Variants in UBN2 observed in about 807,000 individuals in gnomAD.
The protein encoded by UBN2 is ubinuclein 2, also known as ubinuclein-2.
Under a neutral mutation model 120.2 loss-of-function variants are expected in UBN2, and 35 were observed. The ratio of observed to expected loss-of-function variants is 0.29; its 90% CI spans 0.22 to 0.39. The LOEUF is 0.39. Among genes scored for constraint, UBN2 ranks in the 10% least tolerant of loss-of-function variants. The pLI is 1.00. For synonymous variants in UBN2, 661 were observed against 648.7 expected (o/e 1.02, Z -0.29); for missense variants, 1,693 against 1,663.2 (o/e 1.02, Z -0.31).
At chr7:139,274,528 C>CA (rs1797383051) in intron 11 of UBN2, among the ~76,000 whole-genome samples, 1 of 151,972 alleles carries the variant, frequency 6.6e-6, no homozygotes, top group Admixed American at 6.6e-5. Context: ...TTTGGGAGGC[C>CA]AAGGCAGGTG....
chr7:139,267,666 G>A (rs1171266668), intron 7 of UBN2, among the ~76,000 whole-genome samples: 1 of 152,130 alleles, frequency 6.6e-6, no homozygotes, highest in Non-Finnish European at 1.5e-5. Flanking sequence ...ATGTGAAGAA[G>A]GGCTGATTGA....
intron 9 of UBN2, 63 bp from the exon 10 acceptor site, chr7:139,273,234 G>T: frequency 9.6e-7 from 1 of 1,046,260 alleles, no homozygotes; most frequent in Non-Finnish European, 1.4e-6. Flanking sequence ...AGTATTTATG[G>T]AGCATATTAT....
chr7:139,264,568 C>T (rs1797035497), intron 6 of UBN2, among the ~76,000 whole-genome samples: 2 of 152,000 alleles, frequency 1.3e-5, no homozygotes, highest in African/African-American at 4.8e-5. Context: ...TTTTGACCTA[C>T]ACTATTTTTG....
intron 10 of UBN2, 22 bp downstream of exon 10, chr7:139,273,432 C>T (rs768862399): frequency 6.8e-7 from 1 of 1,463,908 alleles, no homozygotes; most frequent in Non-Finnish European, 9.3e-7. Flanking sequence ...TTAGTTTTCA[C>T]TTTTAATATA....
chr7:139,261,506 C>G lies in UBN2; in HGVS notation c.1160C>G (p.Thr387Arg). Residue 387 changes from threonine (T) to arginine (R), a missense_variant, in exon 6 of 18, where the codon ACA becomes AGA. By Grantham distance (71) the Thr-to-Arg change is moderately conservative (BLOSUM62 -1). This residue lies in a region of UBN2 where 663 missense variants were observed against 591.2 expected (regional missense o/e 1.12). Transcript: ENST00000473989. The part of the protein sequence containing the change: ...GDPDLPIFVS[T>R]NEHELFQEAE... ...CCAGACCTTCCCATTTTTGTTAGCA[C>G]AAATGAACATGAGCTGTTTCAGGAA... 1 of 1,614,172 alleles carries G rather than the reference C, an allele frequency of 6.2e-7. No homozygotes were observed. Among genetic ancestry groups the G allele is most frequent in the Non-Finnish European group, 8.5e-7 (1 of 1,180,024 alleles).
intron 15 of UBN2, among the ~76,000 whole-genome samples, chr7:139,290,968 CTTAA>C (rs147879163): frequency 6.6e-6 from 1 of 152,226 alleles, no homozygotes; most frequent in African/African-American, 2.4e-5. Context: ...ATAATCAGTC[CTTAA>C]TTAATAATGC....
rs1798254363 is a variant in UBN2 at position 139,301,421 on chromosome 7, TC to T, written c.*3586del. On this transcript the variant is annotated 3_prime_UTR_variant, in exon 18 of 18. Coordinates refer to ENST00000473989, the MANE Select transcript of UBN2 (RefSeq NM_173569.4). ...TCTGAAACGAAAATTCTGCTGTTGT[TC>T]AAACTGCCATTGGTTATGAGAACTC... 6.6e-6 allele frequency: 1 copy of T among 152,194 alleles called. No individual in the cohort carries two copies. Among genetic ancestry groups the T allele is most frequent in the East Asian group, 1.9e-4 (1 of 5,196 alleles). 9.4% of individuals were successfully genotyped at this position (152,194 alleles called of 1,614,324 possible).
At chr7:139,325,146 A>G in the UBN2 span, among the ~76,000 whole-genome samples, 1 of 152,060 alleles carries the variant, frequency 6.6e-6, no homozygotes, top group South Asian at 2.1e-4. Context: ...TTCATGTTTT[A>G]TAATGCTTCC....
intron 15 of UBN2, among the ~76,000 whole-genome samples, chr7:139,292,618 A>G (rs1172734525): frequency 6.6e-6 from 1 of 152,210 alleles, no homozygotes; most frequent in Non-Finnish European, 1.5e-5. Flanking sequence ...GAAGAGCTAG[A>G]ATAACAGTGT....
chr7:139,231,867 G>C lies in UBN2; in HGVS notation c.383G>C (p.Arg128Pro). 6.4e-7 allele frequency: 1 copy of C among 1,568,404 alleles called. No homozygotes were observed. The highest frequency in any genetic ancestry group is 8.6e-7 in the Non-Finnish European group (1 of 1,163,968). Residue 128 changes from arginine (R) to proline (P), a missense_variant, in exon 1 of 18, where the codon CGC (arginine) becomes CCC (proline). Arg to Pro is a moderately radical substitution (Grantham distance 103). Coordinates refer to ENST00000473989, the MANE Select transcript of UBN2 (RefSeq NM_173569.4). ...CCGCGGCCGCCGAGGGAGACGGTGCGCCTGGAGCTGGTGCTTAAGGACCCC... is the reference window on the plus strand; with the variant it reads ...CCGCGGCCGCCGAGGGAGACGGTGCCCCTGGAGCTGGTGCTTAAGGACCCC... ...QPPRPPRETV[R>P]LELVLKDPTD... is the part of the protein sequence containing the mutation.
At chr7:139,289,912 G>A (rs1196558677) in intron 15 of UBN2, among the ~76,000 whole-genome samples, 2 of 149,162 alleles carry the variant, frequency 1.3e-5, no homozygotes, top group African/African-American at 2.5e-5. Context: ...TTTTTTTTCC[G>A]AGACAGAGTC....
chr7:139,272,494 T>TTATGTATGTATGTATGTATGTATGTATG, intron 9 of UBN2, 54 bp downstream of exon 9: 1 of 1,104,840 alleles, frequency 9.1e-7, no homozygotes, highest in Non-Finnish European at 1.3e-6. Flanking sequence ...TGTATGTACG[T>TTATGTATGTATGTATGTATGTATGTATG]TATGTATGTA....
intron 3 of UBN2, among the ~76,000 whole-genome samples, chr7:139,258,059 C>T (rs1168143928): frequency 1.3e-5 from 2 of 152,224 alleles, no homozygotes; most frequent in South Asian, 2.1e-4. Flanking sequence ...CGTGAGCCAC[C>T]GCACCCAGCC....
chr7:139,240,528 A>G (rs1584985810), intron 2 of UBN2, among the ~76,000 whole-genome samples: 1 of 150,800 alleles, frequency 6.6e-6, no homozygotes. Context: ...GAGAAGATAC[A>G]TTGTCCTGCT....
chr7:139,240,078 T>C (rs1312121034), intron 2 of UBN2, among the ~76,000 whole-genome samples: 1 of 152,208 alleles, frequency 6.6e-6, no homozygotes, highest in Non-Finnish European at 1.5e-5. Context: ...TGAGTTTCAA[T>C]TGACTTAGAT....
Position 139,284,582 on chromosome 7 carries a change from T to G in UBN2, c.3669+8T>G. 6.3e-7 allele frequency: 1 copy of G among 1,595,500 alleles called. No homozygotes were observed. On this transcript the variant is annotated splice_region_variant and intron_variant, in intron 15 of 17. Transcript: ENST00000473989. ...GTAACAGCCAGTGTGCAGGTATGTA[T>G]GTTCTGTACGTCCATGTGATAAACT...
Position 139,293,924 on chromosome 7 carries a change from C to T in UBN2, c.3937C>T (p.His1313Tyr). ...LKGLQPGGAQ[H>Y]AATLSHSPLP... ...GGGTTTACAGCCAGGAGGAGCTCAGCATGCAGCAACGCTTTCCCACTCACC... is the reference window on the plus strand; with the variant it reads ...GGGTTTACAGCCAGGAGGAGCTCAGTATGCAGCAACGCTTTCCCACTCACC... Residue 1313 changes from histidine (H) to tyrosine (Y), a missense_variant, in exon 17 of 18, where the codon CAT becomes TAT. Around this residue, in one of 5 missense-constraint regions of UBN2, gnomAD observed 837 missense variants for 817.6 expected, o/e 1.02. Transcript: ENST00000473989. The T allele has an allele frequency of 6.2e-7, 1 of 1,614,148 alleles. No individual in the cohort carries two copies. The highest frequency in any genetic ancestry group is 8.5e-7 in the Non-Finnish European group (1 of 1,179,996).
intron 1 of UBN2, among the ~76,000 whole-genome samples, chr7:139,234,878 GTGT>G (rs1796121748): frequency 6.6e-6 from 1 of 152,132 alleles, no homozygotes; most frequent in South Asian, 2.1e-4. Flanking sequence ...CCTGAAAATG[GTGT>G]TGATGAGTTA....
Position 139,297,906 on chromosome 7 carries a change from T to G in UBN2, c.*70T>G. On this transcript the variant is annotated 3_prime_UTR_variant, in exon 18 of 18. Transcript: ENST00000473989. ...AATCTACCTGATGGGAAAGTACTTA[T>G]GTGGTCATAGGGCTGCTGTTTCTGT... 1.3e-6 allele frequency: 2 copies of G among 1,532,292 alleles called. No individual in the cohort carries two copies. Among genetic ancestry groups the G allele is most frequent in the Admixed American group, 3.3e-5 (2 of 59,756 alleles). The allele number at this position is 1,532,292 out of a possible 1,614,324, so 94.9% of individuals were successfully genotyped here.
Sources: allele counts gnomAD v4.1 joint callset (sites outside exome capture counted in the v4.1 genomes callset), GRCh38; gene constraint gnomAD v4.1.1; regional missense constraint gnomAD v4.1.1; transcripts MANE v1.5; gene names NCBI Gene and HGNC (gene_info 2026-07-23, HGNC 2026-07-21).